RBBP8: variants seen among roughly 807,000 people sequenced by gnomAD.
RBBP8 encodes DNA endonuclease RBBP8.
Under a neutral mutation model 108.3 loss-of-function variants are expected in RBBP8, and 88 were observed. The ratio of observed to expected loss-of-function variants is 0.81; its 90% CI spans 0.68 to 0.97. The LOEUF (loss-of-function observed/expected upper bound fraction) is 0.97. Ranked by LOEUF, RBBP8 falls within the 50% of genes least tolerant of loss-of-function variation. The pLI is 0.00. For missense variants in RBBP8, 1,023 were observed against 1,049.0 expected, an observed-to-expected ratio of 0.98 and a Z score of 0.34; for synonymous variants, 332 against 348.2, an observed-to-expected ratio of 0.95 and a Z score of 0.52.
chr18:22,938,619 A>G (rs1421353095), intron 2 of RBBP8, among the ~76,000 whole-genome samples: 2 of 152,262 alleles, frequency 1.3e-5, no homozygotes, highest in East Asian at 3.8e-4. Context: ...TGTATGAGAT[A>G]GTGGAAAACG....
rs192070540 is a variant in RBBP8, at chr18:22,976,641, A to T, written c.428+1422A>T. ...TTACTGTATTACTTTCATTTTTTTT[A>T]AAAAATATGAATTTGGAATCCCGTC... On this transcript the variant is annotated intron_variant, in intron 6 of 18. Transcript: ENST00000327155. Among the ~76,000 whole-genome samples, 315 of 152,154 alleles carry T rather than the reference A, an allele frequency of 2.1e-3. 1 individual carries two copies. The highest frequency in any genetic ancestry group is 6.4e-3 in the African/African-American group (264 of 41,544).
At chr18:22,941,972 G>A (rs1363504592) in intron 2 of RBBP8, among the ~76,000 whole-genome samples, 1 of 152,006 alleles carries the variant, frequency 6.6e-6, no homozygotes, top group African/African-American at 2.4e-5. Context: ...TTTTGGTTTG[G>A]GCCATGCCTT....
chr18:22,963,081 ATAAT>A (rs1913248059), intron 4 of RBBP8, among the ~76,000 whole-genome samples: 1 of 152,114 alleles, frequency 6.6e-6, no homozygotes. Flanking sequence ...ATCAACAAAC[ATAAT>A]TAAGTTCTCC....
intron 7 of RBBP8, 148 bp downstream of exon 7, chr18:22,982,541 G>A: frequency 8.1e-6 from 12 of 1,474,448 alleles, no homozygotes; most frequent in Non-Finnish European, 1.1e-5. Flanking sequence ...TATTTGTAAA[G>A]TGACTGAGAA....
intron 7 of RBBP8, among the ~76,000 whole-genome samples, chr18:22,983,269 T>C (rs1421132534): frequency 1.3e-5 from 2 of 152,214 alleles, no homozygotes; most frequent in African/African-American, 4.8e-5. Flanking sequence ...GGGGGATATA[T>C]ATGTACTACT....
In RBBP8 at chr18:22,968,917, TAGTG is replaced by T. The variant is rs765088257; in HGVS notation, c.361+3_361+6del. On this transcript the variant is annotated splice_donor_variant and splice_donor_region_variant and coding_sequence_variant and intron_variant, in exon 5 of 19. Coordinates refer to ENST00000327155, the MANE Select transcript of RBBP8 (RefSeq NM_002894.3). LOFTEE classifies it high-confidence loss of function. The stretch of plus-strand genomic sequence containing the variant: ...AGAATCTTAAACTTATTACAGAACT[TAGTG>T]AGTTTCCTTTCTTCATTTATTATTT... 1.9e-6 allele frequency: 3 copies of T among 1,599,172 alleles called. No individual in the cohort carries two copies. Among genetic ancestry groups the T allele is most frequent in the Non-Finnish European group, 2.6e-6 (3 of 1,167,156 alleles).
intron 3 of RBBP8, among the ~76,000 whole-genome samples, chr18:22,917,567 T>C (rs1356803865): frequency 6.6e-6 from 1 of 152,222 alleles, no homozygotes; most frequent in East Asian, 1.9e-4. Context: ...GACTATATAA[T>C]ACATTTCAAC....
Position 23,026,292 on chromosome 18 carries a change from TTTATAG to T in RBBP8, c.*56_*61del, listed in dbSNP as rs2046450735. 4 of 1,454,904 alleles carry T rather than the reference TTTATAG, an allele frequency of 2.7e-6. No individual in the cohort carries two copies. Among genetic ancestry groups the T allele is most frequent in the Non-Finnish European group, 3.8e-6 (4 of 1,040,080 alleles). 90.1% of individuals were successfully genotyped at this position (1,454,904 alleles called of 1,614,324 possible). ...AGGACAGTTTTTTCCTTCTTAGTTA[TTTATAG>T]TTAAAGTTGGTACTAAACATTGATT... On this transcript the variant is annotated 3_prime_UTR_variant, in exon 19 of 19. Coordinates refer to ENST00000327155, the MANE Select transcript of RBBP8 (RefSeq NM_002894.3).
chr18:22,966,961 G>A (rs1913658742), intron 4 of RBBP8, among the ~76,000 whole-genome samples: 1 of 152,052 alleles, frequency 6.6e-6, no homozygotes. Context: ...CCTGACCTCA[G>A]GTGATCTGAC....
intron 7 of RBBP8, among the ~76,000 whole-genome samples, chr18:22,982,791 C>T (rs878890846): frequency 2.8e-4 from 42 of 152,262 alleles, no homozygotes; most frequent in African/African-American, 9.6e-4. Flanking sequence ...TTTTAATTCT[C>T]GTAACAGGCT....
At chr18:22,952,523 C>T (rs1912127112) in intron 4 of RBBP8, among the ~76,000 whole-genome samples, 1 of 152,158 alleles carries the variant, frequency 6.6e-6, no homozygotes, top group South Asian at 2.1e-4. Flanking sequence ...ATAATGGAAG[C>T]AGCAGTACAT....
At position 22,936,788 on chromosome 18, in the gene RBBP8, T is replaced by C; in HGVS notation, c.-64T>C. ...CTGTCCAAAGACGACTTGATACCTC[T>C]ATAATGTAACAGAAAAGGTCAGAAA... On this transcript the variant is annotated 5_prime_UTR_variant, in exon 2 of 19. Coordinates refer to ENST00000327155, the MANE Select transcript of RBBP8 (RefSeq NM_002894.3). The C allele has an allele frequency of 5.6e-6, 9 of 1,598,618 alleles. No individual in the cohort carries two copies. Among genetic ancestry groups the C allele is most frequent in the Non-Finnish European group, 7.7e-6 (9 of 1,167,276 alleles).
intron 6 of RBBP8, among the ~76,000 whole-genome samples, chr18:22,976,297 A>G (rs1463291863): frequency 6.6e-6 from 1 of 152,132 alleles, no homozygotes; most frequent in Non-Finnish European, 1.5e-5. Context: ...AAAGGAACCT[A>G]TGAGATCAGA....
In RBBP8 at chr18:22,979,984, G is replaced by A. The variant is rs140696735; in HGVS notation, c.429-2234G>A. ...ATTGCAGCTGGGCGCCGTGGTTCAC[G>A]CCTATAATCTCAGCACTTTGGGAGG... is the stretch of plus-strand genomic sequence containing the variant. On this transcript the variant is annotated intron_variant, in intron 6 of 18. Coordinates refer to ENST00000327155, the MANE Select transcript of RBBP8 (RefSeq NM_002894.3). 2.7e-3 allele frequency among the ~76,000 whole-genome samples: 410 copies of A among 151,342 alleles called. 1 individual carries two copies. The highest frequency in any genetic ancestry group is 9.1e-3 in the African/African-American group (377 of 41,366).
chr18:22,921,769 T>G (rs1909603592), intron 3 of RBBP8, among the ~76,000 whole-genome samples: 1 of 152,212 alleles, frequency 6.6e-6, no homozygotes, highest in Non-Finnish European at 1.5e-5. Context: ...TATTTTCTAA[T>G]AAACTTCAAT....
At chr18:22,950,852 T>A (rs1209779590) in intron 4 of RBBP8, among the ~76,000 whole-genome samples, 1 of 152,184 alleles carries the variant, frequency 6.6e-6, no homozygotes, top group Non-Finnish European at 1.5e-5. Flanking sequence ...TTGAGCAAGC[T>A]ATGATTGTGC....
In RBBP8 at chr18:22,998,662, T is replaced by C. The variant is rs149792967; in HGVS notation, c.2143+928T>C. ...ACATTGAGGCTGGGTGTGCATTCCT[T>C]ATCTTCTGCTGAATTTTCTATAGTC... is the stretch of plus-strand genomic sequence containing the variant. On this transcript the variant is annotated intron_variant, in intron 14 of 18. Coordinates refer to ENST00000327155, the MANE Select transcript of RBBP8 (RefSeq NM_002894.3). Among the ~76,000 whole-genome samples, 232 of 152,380 alleles carry C rather than the reference T, an allele frequency of 1.5e-3. 1 individual carries two copies. Among genetic ancestry groups the C allele is most frequent in the African/African-American group, 5.2e-3 (215 of 41,600 alleles).
rs187109118 is a variant in RBBP8 at position 22,945,550 on chromosome 18, A to C, written c.110-894A>C. Among the ~76,000 whole-genome samples, 271 of 151,742 alleles carry C rather than the reference A, an allele frequency of 1.8e-3. 3 individuals are homozygous for C. The South Asian group carries it at 0.024, about 13-fold the overall frequency. ...AAGCATGTGCCACCACACCCGGCTA[A>C]TTTTGTCTTTTTATTAGAGACGGGG... On this transcript the variant is annotated intron_variant, in intron 2 of 18. Coordinates refer to ENST00000327155, the MANE Select transcript of RBBP8 (RefSeq NM_002894.3).
At chr18:22,991,956 T>C (rs1915732763) in intron 10 of RBBP8, among the ~76,000 whole-genome samples, 1 of 151,988 alleles carries the variant, frequency 6.6e-6, no homozygotes, top group African/African-American at 2.4e-5. Flanking sequence ...ATTTTACAGA[T>C]TACAAAAATA....
Sources: allele counts gnomAD v4.1 joint callset (sites outside exome capture counted in the v4.1 genomes callset), GRCh38; gene constraint gnomAD v4.1.1; transcripts MANE v1.5; gene names NCBI Gene and HGNC (gene_info 2026-07-23, HGNC 2026-07-21).